Variants in STAMBP observed in about 807,000 individuals in gnomAD.
STAMBP encodes STAM binding protein, also known as STAM-binding protein.
In STAMBP, 31 loss-of-function variants were observed where a neutral mutation model predicts 50.7. That is an observed-to-expected ratio of 0.61 (90% CI 0.46 to 0.83). The LOEUF is 0.83. Ranked by LOEUF, STAMBP falls within the 40% of genes least tolerant of loss-of-function variation. The pLI is 0.00. For missense variants in STAMBP, 472 were observed against 518.9 expected, an observed-to-expected ratio of 0.91 and a Z score of 0.88; for synonymous variants, 211 against 192.4, an observed-to-expected ratio of 1.10 and a Z score of -0.80.
Position 73,844,901 on chromosome 2 carries a change from T to C in STAMBP, c.279+13T>C. ...AGACACAGTAAAGGTGGGTCTTCAC[T>C]TTCATTGTTGCCCATCTAAAAGCTT... is the stretch of plus-strand genomic sequence containing the variant. On this transcript the variant is annotated intron_variant, in intron 3 of 9. Transcript: ENST00000394070. 1 of 1,612,872 alleles carries C rather than the reference T, an allele frequency of 6.2e-7. No individual in the cohort carries two copies. The highest frequency in any genetic ancestry group is 8.5e-7 in the Non-Finnish European group (1 of 1,179,710).
intron 7 of STAMBP, among the ~76,000 whole-genome samples, chr2:73,857,233 G>T (rs548795874): frequency 1.3e-5 from 2 of 152,220 alleles, no homozygotes; most frequent in Admixed American, 1.3e-4. Flanking sequence ...TTAATGGCCC[G>T]ATGTCTTGAT....
At chr2:73,836,546 T>C (rs6546875) in intron 2 of STAMBP, among the ~76,000 whole-genome samples, 67,278 of 152,084 alleles carry the variant, frequency 0.44, 17,234 homozygotes, top group African/African-American at 0.72. Flanking sequence ...GAATAGACCC[T>C]GTCCAGCCCC....
intron 2 of STAMBP, among the ~76,000 whole-genome samples, chr2:73,834,842 G>A (rs1240415866): frequency 6.6e-6 from 1 of 152,166 alleles, no homozygotes; most frequent in Non-Finnish European, 1.5e-5. Context: ...GTGTTTAGAA[G>A]TGCTTAGATG....
chr2:73,846,260 C>T (rs781356746), intron 4 of STAMBP, among the ~76,000 whole-genome samples: 5 of 151,530 alleles, frequency 3.3e-5, no homozygotes, highest in South Asian at 2.1e-4. Flanking sequence ...CTGTGTTGAA[C>T]AAATGCACAA....
intron 1 of STAMBP, among the ~76,000 whole-genome samples, 187 bp from the exon 2 acceptor site, chr2:73,830,658 G>C (rs1037226846): frequency 4.6e-5 from 7 of 152,242 alleles, no homozygotes; most frequent in African/African-American, 1.4e-4. Flanking sequence ...TACTCTCATC[G>C]TTGTGATTTG....
At position 73,865,207 on chromosome 2, in the gene STAMBP, A is replaced by C. The variant is rs192687852; in HGVS notation, c.*2948A>C. 6.0e-4 allele frequency: 92 copies of C among 152,374 alleles called. No individual in the cohort carries two copies. Among genetic ancestry groups the C allele is most frequent in the African/African-American group, 2.2e-3 (91 of 41,596 alleles). 9.4% of individuals were successfully genotyped at this position (152,374 alleles called of 1,614,324 possible). The stretch of plus-strand genomic sequence containing the variant: ...GGGGTTGAGAAGAATGGAGGCTATT[A>C]GGAGCAAAGCTTTAATGAGTGAAAG... On this transcript the variant is annotated 3_prime_UTR_variant, in exon 10 of 10. Coordinates refer to ENST00000394070, the MANE Select transcript of STAMBP (RefSeq NM_213622.4).
At position 73,845,048 on chromosome 2, in the gene STAMBP, T is replaced by C. The variant is rs1236031574; in HGVS notation, c.280-119T>C. ...TTCTGAAGTAGCAGGTATGGTACAGTAGGGGGTATTTTAAATCATTTTGGG... is the reference window on the plus strand; with the variant it reads ...TTCTGAAGTAGCAGGTATGGTACAGCAGGGGGTATTTTAAATCATTTTGGG... On this transcript the variant is annotated intron_variant, in intron 3 of 9. Transcript: ENST00000394070. 1.9e-6 allele frequency: 3 copies of C among 1,538,944 alleles called. No homozygotes were observed. The East Asian group carries it at 7.0e-5, about 36-fold the overall frequency.
Position 73,862,348 on chromosome 2 carries a change from GT to G in STAMBP, c.*94del. ...TTAAGCTTTCTAGAAAGCTTTGGAA[GT>G]TTTTGTAGATAGTAGAAAGGGGGGC... On this transcript the variant is annotated 3_prime_UTR_variant, in exon 10 of 10. Coordinates refer to ENST00000394070, the MANE Select transcript of STAMBP (RefSeq NM_213622.4). 1 of 1,235,702 alleles carries G rather than the reference GT, an allele frequency of 8.1e-7. No individual in the cohort carries two copies. Among genetic ancestry groups the G allele is most frequent in the Non-Finnish European group, 1.1e-6 (1 of 901,450 alleles). 76.5% of individuals were successfully genotyped at this position (1,235,702 alleles called of 1,614,324 possible).
Position 73,863,043 on chromosome 2 carries a change from A to G in STAMBP, c.*784A>G, listed in dbSNP as rs1340193197. 2.0e-5 allele frequency: 3 copies of G among 152,140 alleles called. No individual in the cohort carries two copies. The highest frequency in any genetic ancestry group is 7.2e-5 in the African/African-American group (3 of 41,414). 9.4% of individuals were successfully genotyped at this position (152,140 alleles called of 1,614,324 possible). A position where few individuals can be genotyped will look rare whatever the true frequency, so the allele number is the denominator to read the frequency against. On this transcript the variant is annotated 3_prime_UTR_variant, in exon 10 of 10. Transcript: ENST00000394070. ...CACTTTTAATTACTCCTTGTTTTTT[A>G]TCTGCCTGTTGCCATCTTCCAGAGG...
rs1366262920 is a variant in STAMBP, at chr2:73,864,322, ATTTTC to A, written c.*2070_*2074del. ...CACAGACTGATCACCAAACTGCTAT[ATTTTC>A]TTTTCTCTTCCTCTAGGCACAAGAT... On this transcript the variant is annotated 3_prime_UTR_variant, in exon 10 of 10. Transcript: ENST00000394070. The A allele has an allele frequency of 2.6e-5, 4 of 152,190 alleles. No individual in the cohort carries two copies. Among genetic ancestry groups the A allele is most frequent in the African/African-American group, 9.6e-5 (4 of 41,512 alleles). The allele number at this position is 152,190 out of a possible 1,614,324, so 9.4% of individuals were successfully genotyped here.
chr2:73,860,626 A>T (rs1678227821), intron 9 of STAMBP: 3 of 909,714 alleles, frequency 3.3e-6, no homozygotes, highest in African/African-American at 3.6e-5. Flanking sequence ...TGCTTAAATC[A>T]TAGGGGCTTT....
Position 73,862,461 on chromosome 2 carries a change from G to A in STAMBP, c.*202G>A. The A allele has an allele frequency of 2.5e-6, 1 of 396,800 alleles. No homozygotes were observed. Among genetic ancestry groups the A allele is most frequent in the Non-Finnish European group, 4.5e-6 (1 of 221,152 alleles). The allele number at this position is 396,800 out of a possible 1,614,324, so 24.6% of individuals were successfully genotyped here. A position where few individuals can be genotyped will look rare whatever the true frequency, so the allele number is the denominator to read the frequency against. On this transcript the variant is annotated 3_prime_UTR_variant, in exon 10 of 10. Transcript: ENST00000394070. ...TTTAGGCAAGTCAGAAAGAGAACATGGTCACCCAAAAGCAACTGTAACTCA... is the reference window on the plus strand; with the variant it reads ...TTTAGGCAAGTCAGAAAGAGAACATAGTCACCCAAAAGCAACTGTAACTCA...
intron 5 of STAMBP, 48 bp downstream of exon 5, chr2:73,847,801 A>G (rs562989428): frequency 1.2e-5 from 19 of 1,572,830 alleles, no homozygotes; most frequent in African/African-American, 8.1e-5. Flanking sequence ...GCAGCCAAAC[A>G]GTATCATTCT....
intron 2 of STAMBP, among the ~76,000 whole-genome samples, chr2:73,833,317 A>G (rs1426792091): frequency 6.6e-6 from 1 of 152,222 alleles, no homozygotes; most frequent in Non-Finnish European, 1.5e-5. Context: ...AGGCAGCTTT[A>G]ACTTAACACC....
intron 10 of STAMBP, among the ~76,000 whole-genome samples, chr2:73,872,605 C>T (rs1679244766): frequency 6.6e-6 from 1 of 152,206 alleles, no homozygotes; most frequent in African/African-American, 2.4e-5. Context: ...AATGAGTGTA[C>T]GCAGAATCAT....
At chr2:73,847,302 A>C in intron 4 of STAMBP, 85 bp from the exon 5 acceptor site, 1 of 1,496,574 alleles carries the variant, frequency 6.7e-7, no homozygotes, top group Non-Finnish European at 9.0e-7. Flanking sequence ...ACATTTTGGA[A>C]ATCTCCATGC....
At chr2:73,871,776 CTT>C, downstream of STAMBP, among the ~76,000 whole-genome samples, 1 of 151,176 alleles carries the variant, frequency 6.6e-6, no homozygotes, top group East Asian at 1.9e-4. Context: ...AAGAAAAAAA[CTT>C]TTTTTTTGAA....
At chr2:73,837,858 A>G (rs1209671271) in intron 2 of STAMBP, among the ~76,000 whole-genome samples, 1 of 152,148 alleles carries the variant, frequency 6.6e-6, no homozygotes, top group East Asian at 1.9e-4. Flanking sequence ...CCCTGAGGTT[A>G]GTTAATGGAG....
chr2:73,873,001 A>G (rs182721499), intron 10 of STAMBP, among the ~76,000 whole-genome samples: 3 of 152,340 alleles, frequency 2.0e-5, no homozygotes, highest in Admixed American at 2.0e-4. Flanking sequence ...CTGTTTTCCC[A>G]TAGAAATGAT....
Sources: gnomAD v4.1 joint callset for allele counts (sites outside exome capture counted in the v4.1 genomes callset) on GRCh38, gnomAD v4.1.1 for gene constraint, MANE v1.5 for transcripts, NCBI Gene and HGNC (gene_info 2026-07-23, HGNC 2026-07-21) for gene names.